The following TRDN variants were observed in gnomAD, a reference collection of about 807,000 sequenced individuals.
The protein encoded by TRDN is triadin.
TRDN carries 161 observed loss-of-function variants against 149.7 expected under a neutral mutation model. The observed-to-expected ratio is 1.08, with a 90% CI of 0.95 to 1.23. The LOEUF (loss-of-function observed/expected upper bound fraction) is 1.23, where lower values mean the gene tolerates loss of function less well. TRDN is among the 50% of genes most tolerant of loss of function. The probability of loss-of-function intolerance (pLI) is 0.00; values close to 1 mark genes in which losing one functional copy is unlikely to be tolerated. For synonymous variants in TRDN, 294 were observed against 250.5 expected (o/e 1.17, Z -1.64); for missense variants, 896 against 823.5 (o/e 1.09, Z -1.08).
chr6:123,614,230 C>T (rs1314796671), intron 1 of TRDN, among the ~76,000 whole-genome samples: 2 of 142,676 alleles, frequency 1.4e-5, no homozygotes, highest in African/African-American at 5.2e-5. Context: ...TCACTTCCTG[C>T]TTTAAACTCC....
chr6:123,245,928 G>A (rs1478838066), intron 38 of TRDN, among the ~76,000 whole-genome samples: 2 of 152,110 alleles, frequency 1.3e-5, no homozygotes, highest in African/African-American at 4.8e-5. Flanking sequence ...TCAGGATTAA[G>A]AAACTCCCTC....
intron 38 of TRDN, among the ~76,000 whole-genome samples, chr6:123,235,098 A>C (rs1185579480): frequency 6.6e-6 from 1 of 152,174 alleles, no homozygotes; most frequent in Non-Finnish European, 1.5e-5. Flanking sequence ...GATGAACCCT[A>C]AGATAGCTAC....
chr6:123,362,090 C>T (rs1292006407), intron 20 of TRDN, among the ~76,000 whole-genome samples: 1 of 152,090 alleles, frequency 6.6e-6, no homozygotes, highest in African/African-American at 2.4e-5. Context: ...TAACAATATT[C>T]TTCTGGCAGC....
In TRDN at chr6:123,282,110, G is replaced by A. The variant is rs560480496; in HGVS notation, c.1511-3028C>T. On this transcript the variant is annotated intron_variant, in intron 24 of 40. Coordinates refer to ENST00000334268, the MANE Select transcript of TRDN (RefSeq NM_006073.4). Reference sequence around the variant, plus strand: ...GGAATGTAATATGAAGACACACAGAGAGAATACTGTGTGACAACAGAGGCA... The same window carrying A: ...GGAATGTAATATGAAGACACACAGAAAGAATACTGTGTGACAACAGAGGCA... Among the ~76,000 whole-genome samples, 3 of 152,088 alleles carry A rather than the reference G, an allele frequency of 2.0e-5. No individual in the cohort carries two copies. The East Asian group carries it at 5.8e-4, about 29-fold the overall frequency.
Position 123,508,176 on chromosome 6 carries a change from T to G in TRDN, c.610+4127A>C, listed in dbSNP as rs1285319441. The stretch of plus-strand genomic sequence containing the variant: ...CCTAGAACTTATCCACAGTTTAATG[T>G]ACAGCAGGAATTACTATTTCATTAT... On this transcript the variant is annotated intron_variant, in intron 7 of 40. Coordinates refer to ENST00000334268, the MANE Select transcript of TRDN (RefSeq NM_006073.4). 7.9e-5 allele frequency among the ~76,000 whole-genome samples: 12 copies of G among 152,272 alleles called. No homozygotes were observed. The East Asian group carries it at 2.3e-3, about 29-fold the overall frequency.
chr6:123,593,858 A>C (rs1783906716), intron 1 of TRDN, among the ~76,000 whole-genome samples: 1 of 152,196 alleles, frequency 6.6e-6, no homozygotes, highest in Admixed American at 6.5e-5. Context: ...ATACAATAAA[A>C]TTATCTTTTA....
chr6:123,532,559 G>A (rs896490693), intron 4 of TRDN, among the ~76,000 whole-genome samples: 2 of 151,990 alleles, frequency 1.3e-5, no homozygotes, highest in African/African-American at 4.8e-5. Context: ...CAACTTGCCT[G>A]TGATCCTCCC....
At chr6:123,594,954 C>T (rs1783963618) in intron 1 of TRDN, among the ~76,000 whole-genome samples, 1 of 151,750 alleles carries the variant, frequency 6.6e-6, no homozygotes, top group South Asian at 2.1e-4. Flanking sequence ...TAGAACATGG[C>T]TCCACCCAGA....
chr6:123,503,774 T>C lies in TRDN; in HGVS notation c.738A>G (p.Lys246=). The change falls in exon 8 of 41, where the codon AAA becomes AAG. Residue 246 remains lysine (K), a synonymous_variant. Coordinates refer to ENST00000334268, the MANE Select transcript of TRDN (RefSeq NM_006073.4). Reference sequence around the variant, plus strand: ...TCTCTTTGTCCTCCTTTTCTTTGGGTTTTGATGGTGTTTTCTGTACTTCTT... The same window carrying C: ...TCTCTTTGTCCTCCTTTTCTTTGGGCTTTGATGGTGTTTTCTGTACTTCTT... ...KVKEVQKTPS[K]PKEKEDKEKA... 1 of 1,613,656 alleles carries C rather than the reference T, an allele frequency of 6.2e-7. No individual in the cohort carries two copies.
chr6:123,229,177 T>C (rs2114517418), intron 38 of TRDN, among the ~76,000 whole-genome samples: 1 of 152,008 alleles, frequency 6.6e-6, no homozygotes, highest in Admixed American at 6.6e-5. Context: ...GTCTGCACTA[T>C]AATAGAGTCA....
chr6:123,514,152 T>G (rs533683063), intron 6 of TRDN, among the ~76,000 whole-genome samples: 57 of 152,050 alleles, frequency 3.7e-4, no homozygotes, highest in African/African-American at 1.3e-3. Context: ...ATCACTTGAG[T>G]TCAGGAGTAT....
chr6:123,384,365 T>A (rs1562288155), intron 14 of TRDN, among the ~76,000 whole-genome samples: 1 of 152,106 alleles, frequency 6.6e-6, no homozygotes, highest in Non-Finnish European at 1.5e-5. Context: ...TGTTCCTCAC[T>A]GAACAATCTC....
At chr6:123,375,191 A>G (rs1781462812) in intron 19 of TRDN, among the ~76,000 whole-genome samples, 1 of 152,160 alleles carries the variant, frequency 6.6e-6, no homozygotes, top group Admixed American at 6.6e-5. Flanking sequence ...TCCAAGAGCA[A>G]TGGTTAAGAA....
intron 16 of TRDN, among the ~76,000 whole-genome samples, chr6:123,378,721 A>G (rs1316375608): frequency 1.3e-5 from 2 of 152,206 alleles, no homozygotes; most frequent in African/African-American, 4.8e-5. Context: ...ATAGCTGTTA[A>G]GCTAAGACAA....
At chr6:123,606,745 G>T (rs1218203709) in intron 1 of TRDN, among the ~76,000 whole-genome samples, 1 of 151,908 alleles carries the variant, frequency 6.6e-6, no homozygotes, top group Non-Finnish European at 1.5e-5. Flanking sequence ...CTTTTATTAT[G>T]TAGCAATTTT....
intron 4 of TRDN, among the ~76,000 whole-genome samples, chr6:123,539,954 C>T (rs1415420235): frequency 1.3e-5 from 2 of 152,314 alleles, no homozygotes; most frequent in African/African-American, 4.8e-5. Flanking sequence ...TTGACCCCTA[C>T]AGATTGTTAT....
At chr6:123,554,475 C>G (rs1442401716) in intron 2 of TRDN, among the ~76,000 whole-genome samples, 1 of 151,996 alleles carries the variant, frequency 6.6e-6, no homozygotes, top group Non-Finnish European at 1.5e-5. Context: ...GTTTTTCTCC[C>G]TTTCTGTAAA....
chr6:123,318,927 C>G (rs903859524), intron 23 of TRDN, among the ~76,000 whole-genome samples: 1 of 152,056 alleles, frequency 6.6e-6, no homozygotes, highest in African/African-American at 2.4e-5. Context: ...AATAGAACTA[C>G]TGGCTTTAGT....
chr6:123,377,928 T>G, intron 16 of TRDN, 30 bp from the exon 17 acceptor site: 1 of 1,379,438 alleles, frequency 7.2e-7, no homozygotes, highest in African/African-American at 1.5e-5. Flanking sequence ...TTATTATTAT[T>G]ATCGTTATTA....
Sources: allele counts gnomAD v4.1 joint callset (sites outside exome capture counted in the v4.1 genomes callset), GRCh38; gene constraint gnomAD v4.1.1; transcripts MANE v1.5; gene names NCBI Gene and HGNC (gene_info 2026-07-23, HGNC 2026-07-21).